The following NELL1 variants were observed in gnomAD, a reference collection of about 807,000 sequenced individuals.
NELL1 encodes protein kinase C-binding protein NELL1.
NELL1 carries 76 observed loss-of-function variants against 107.4 expected under a neutral mutation model. The ratio of observed to expected loss-of-function variants is 0.71; its 90% CI spans 0.59 to 0.86. The LOEUF (loss-of-function observed/expected upper bound fraction) is 0.86, where lower values mean the gene tolerates loss of function less well. Ranked by LOEUF, NELL1 falls within the 40% of genes least tolerant of loss-of-function variation. NELL1 has a pLI of 0.00. For synonymous variants in NELL1, 353 were observed against 341.2 expected, an observed-to-expected ratio of 1.03 and a Z score of -0.38; for missense variants, 1,024 against 1,005.5, an observed-to-expected ratio of 1.02 and a Z score of -0.25.
At chr11:21,104,631 A>G (rs1320503199) in intron 12 of NELL1, among the ~76,000 whole-genome samples, 1 of 152,206 alleles carries the variant, frequency 6.6e-6, no homozygotes, top group Non-Finnish European at 1.5e-5. Context: ...TGTCGTTTGA[A>G]TTTTTAATCT....
chr11:20,723,788 C>T (rs1005220191), intron 2 of NELL1, among the ~76,000 whole-genome samples: 2 of 152,186 alleles, frequency 1.3e-5, no homozygotes, highest in Non-Finnish European at 2.9e-5. Flanking sequence ...AGAGGTTTTC[C>T]GTGAGGGCTC....
intron 12 of NELL1, among the ~76,000 whole-genome samples, chr11:21,072,187 T>C (rs898929042): frequency 2.0e-5 from 3 of 152,190 alleles, no homozygotes; most frequent in African/African-American, 7.2e-5. Context: ...AACTTTTGGG[T>C]AGCTTATGTT....
intron 15 of NELL1, among the ~76,000 whole-genome samples, chr11:21,518,467 CA>C (rs573915030): frequency 1.3e-3 from 200 of 152,204 alleles, no homozygotes; most frequent in Non-Finnish European, 2.4e-3. Context: ...TTGGAATACT[CA>C]AAGTAAAAAA....
chr11:21,085,505 C>T (rs1425822284), intron 12 of NELL1, among the ~76,000 whole-genome samples: 2 of 151,828 alleles, frequency 1.3e-5, no homozygotes, highest in Non-Finnish European at 2.9e-5. Flanking sequence ...TTTTGGTGGC[C>T]CATATTTGTA....
intron 5 of NELL1, among the ~76,000 whole-genome samples, chr11:20,906,871 A>T (rs1850011129): frequency 6.6e-6 from 1 of 151,950 alleles, no homozygotes; most frequent in Non-Finnish European, 1.5e-5. Flanking sequence ...TTAATGAAAA[A>T]CTCAGAGCTA....
chr11:21,528,519 C>CCACT (rs1554929482), intron 15 of NELL1, among the ~76,000 whole-genome samples: 5 of 109,926 alleles, frequency 4.5e-5, no homozygotes, highest in Non-Finnish European at 9.0e-5. Context: ...CCACCCCCCC[C>CCACT]CCCTTTTTTT....
At chr11:21,015,217 G>T (rs1852538027) in intron 12 of NELL1, among the ~76,000 whole-genome samples, 1 of 152,034 alleles carries the variant, frequency 6.6e-6, no homozygotes, top group African/African-American at 2.4e-5. Context: ...TTTCATACAT[G>T]ACTGGGATGC....
intron 14 of NELL1, among the ~76,000 whole-genome samples, chr11:21,248,333 G>C (rs2924598): frequency 0.61 from 90,500 of 149,330 alleles, 30,637 homozygotes; most frequent in Non-Finnish European, 0.78. Context: ...GTGACAGTGA[G>C]AGCCTGTCAA....
chr11:21,324,109 T>C (rs561080511), intron 14 of NELL1, among the ~76,000 whole-genome samples: 4 of 152,246 alleles, frequency 2.6e-5, no homozygotes, highest in Admixed American at 1.3e-4. Flanking sequence ...CATGTGCCAG[T>C]CATGGTGCTG....
intron 14 of NELL1, among the ~76,000 whole-genome samples, chr11:21,248,832 C>A (rs780930613): frequency 6.6e-6 from 1 of 152,168 alleles, no homozygotes; most frequent in Admixed American, 6.6e-5. Context: ...TCCTGTTACA[C>A]AAGCCAATCA....
chr11:20,955,057 T>G (rs933137340), intron 11 of NELL1, among the ~76,000 whole-genome samples: 3 of 152,196 alleles, frequency 2.0e-5, no homozygotes, highest in African/African-American at 7.2e-5. Flanking sequence ...TTTAATCTAA[T>G]TATTGATCAA....
chr11:21,571,605 T>C (rs980687911), intron 18 of NELL1, among the ~76,000 whole-genome samples: 8 of 151,684 alleles, frequency 5.3e-5, no homozygotes, highest in Non-Finnish European at 1.2e-4. Flanking sequence ...TGAAAAATCT[T>C]TTCAGATACT....
chr11:21,529,411 G>T (rs1426267165), intron 15 of NELL1, among the ~76,000 whole-genome samples: 2 of 152,198 alleles, frequency 1.3e-5, no homozygotes, highest in Non-Finnish European at 2.9e-5. Context: ...GAACTAGCCT[G>T]TTTCTGCCTC....
At chr11:21,112,386 C>T (rs1275945994) in intron 12 of NELL1, among the ~76,000 whole-genome samples, 10 of 152,008 alleles carry the variant, frequency 6.6e-5, no homozygotes, top group South Asian at 4.2e-4. Context: ...TTTTTATCCT[C>T]GGTTTCTGTA....
intron 15 of NELL1, among the ~76,000 whole-genome samples, chr11:21,493,776 T>C (rs1231276004): frequency 6.6e-6 from 1 of 152,036 alleles, no homozygotes; most frequent in East Asian, 1.9e-4. Flanking sequence ...CATAAAGAAA[T>C]GACAAATAGT....
intron 15 of NELL1, among the ~76,000 whole-genome samples, chr11:21,469,301 C>T (rs11827008): frequency 0.029 from 4,437 of 151,980 alleles, 219 homozygotes; most frequent in African/African-American, 0.098. Flanking sequence ...TGTTTTGCTT[C>T]TCTGGTGGAT....
intron 15 of NELL1, among the ~76,000 whole-genome samples, chr11:21,444,521 A>G (rs563889480): frequency 1.3e-3 from 196 of 152,286 alleles, no homozygotes; most frequent in African/African-American, 4.6e-3. Flanking sequence ...TAATAGTACA[A>G]TTGAAATTAG....
At chr11:21,464,689 C>T (rs1050407966) in intron 15 of NELL1, among the ~76,000 whole-genome samples, 31 of 152,084 alleles carry the variant, frequency 2.0e-4, no homozygotes, top group African/African-American at 7.2e-4. Context: ...CTGCCAAGTC[C>T]CATGTTAAGC....
intron 13 of NELL1, among the ~76,000 whole-genome samples, chr11:21,149,972 G>A (rs1430036950): frequency 6.6e-6 from 1 of 152,104 alleles, no homozygotes; most frequent in African/African-American, 2.4e-5. Context: ...AGTTGATTAG[G>A]GAAGGCTCTT....
Sources: gnomAD v4.1 joint callset for allele counts (sites outside exome capture counted in the v4.1 genomes callset) on GRCh38, gnomAD v4.1.1 for gene constraint, MANE v1.5 for transcripts, NCBI Gene and HGNC (gene_info 2026-07-23, HGNC 2026-07-21) for gene names.